The following NEB variants were observed in gnomAD, a reference collection of about 807,000 sequenced individuals.
The protein encoded by NEB is nemaline myopathy type 2.
NEB carries 512 observed loss-of-function variants against 952.2 expected under a neutral mutation model. That is an observed-to-expected ratio of 0.54 (90% CI 0.50 to 0.58). The LOEUF (loss-of-function observed/expected upper bound fraction) is 0.58, where lower values mean the gene tolerates loss of function less well. Among genes scored for constraint, NEB ranks in the 20% least tolerant of loss-of-function variants. The pLI is 0.00. For synonymous variants in NEB, 2,900 were observed against 3,149.8 expected, an observed-to-expected ratio of 0.92 and a Z score of 2.66; for missense variants, 8,428 against 9,231.1, an observed-to-expected ratio of 0.91 and a Z score of 3.56.
At chr2:151,653,865 G>C (rs1013726565) in intron 52 of NEB, 127 bp downstream of exon 52, 3 of 600,766 alleles carry the variant, frequency 5.0e-6, no homozygotes, top group African/African-American at 3.7e-5. Flanking sequence ...TAAATGAAGA[G>C]GGTAGGAGAA....
At chr2:151,573,253 T>C (rs1039946351) in intron 107 of NEB, among the ~76,000 whole-genome samples, 2 of 152,214 alleles carry the variant, frequency 1.3e-5, no homozygotes, top group Non-Finnish European at 2.9e-5. Flanking sequence ...ATTAATATCT[T>C]AATAAAGTTA....
At chr2:151,537,777 G>T in intron 140 of NEB, 95 bp downstream of exon 140, 2 of 781,488 alleles carry the variant, frequency 2.6e-6, no homozygotes, top group South Asian at 3.8e-5. Flanking sequence ...CTAAAATCTA[G>T]CCAAGAGTTT....
At chr2:151,601,083 T>A (rs2097492351) in intron 88 of NEB, among the ~76,000 whole-genome samples, 2 of 127,308 alleles carry the variant, frequency 1.6e-5, no homozygotes, top group Non-Finnish European at 3.2e-5. Context: ...TTGTTGAAAT[T>A]TTTTTTATTT....
At chr2:151,706,459 G>A (rs1184778541) in intron 13 of NEB, among the ~76,000 whole-genome samples, 1 of 152,148 alleles carries the variant, frequency 6.6e-6, no homozygotes, top group Non-Finnish European at 1.5e-5. Flanking sequence ...AGAAAGTCCT[G>A]TGAAGACTTA....
At chr2:151,627,871 A>G in intron 68 of NEB, 37 bp from the exon 69 acceptor site, 1 of 1,595,610 alleles carries the variant, frequency 6.3e-7, no homozygotes, top group Non-Finnish European at 8.6e-7. Flanking sequence ...ATAAAAATGA[A>G]TAGAAAGGCT....
intron 168 of NEB, among the ~76,000 whole-genome samples, chr2:151,499,805 T>A (rs2063065227): frequency 6.6e-6 from 1 of 152,218 alleles, no homozygotes; most frequent in South Asian, 2.1e-4. Flanking sequence ...ATATGGCAAT[T>A]TGGTCCTTGT....
At chr2:151,592,299 ATT>A (rs1299057004) in intron 94 of NEB, among the ~76,000 whole-genome samples, 161 bp from the exon 95 acceptor site, 2 of 150,818 alleles carry the variant, frequency 1.3e-5, no homozygotes, top group Admixed American at 1.3e-4. Flanking sequence ...GTAAATTAAA[ATT>A]TTTAAGTAAG....
chr2:151,555,078 T>G, intron 124 of NEB, 34 bp from the exon 125 acceptor site: 1 of 1,398,522 alleles, frequency 7.2e-7, no homozygotes, highest in East Asian at 2.3e-5. Context: ...AGAAACAGTT[T>G]TAGAGAGTAA....
Position 151,492,119 on chromosome 2 carries a change from G to C in NEB, c.25036C>G (p.Gln8346Glu). 1 of 1,613,770 alleles carries C rather than the reference G, an allele frequency of 6.2e-7. No homozygotes were observed. The highest frequency in any genetic ancestry group is 8.5e-7 in the Non-Finnish European group (1 of 1,179,788). The change falls in exon 178 of 182, where the codon CAA (glutamine) becomes GAA (glutamate). Residue 8346 changes from glutamine to glutamate, a missense_variant. This residue lies in a region of NEB where 3,374 missense variants were observed against 3,651.5 expected (regional missense o/e 0.92). Coordinates refer to ENST00000397345, the MANE Select transcript of NEB (RefSeq NM_001164508.2). The stretch of plus-strand genomic sequence containing the variant: ...TTACCTGTAATAGTCTCCTGATCTT[G>C]GTCATTCCGTTTTTGTTCCATTTCT... Reference protein sequence around the residue: ...VVEMEQKRNDQDQETITGLRV... With the variant: ...VVEMEQKRNDEDQETITGLRV...
chr2:151,658,762 T>G lies in NEB; in HGVS notation c.6075+303A>C, dbSNP rs555272619. ...AGAACGAAATTCTAGGACTCTCATT[T>G]CCTTTTTCTCTTCTCCTGGCCCCGG... On this transcript the variant is annotated intron_variant, in intron 47 of 181. Coordinates refer to ENST00000397345, the MANE Select transcript of NEB (RefSeq NM_001164508.2). Among the ~76,000 whole-genome samples, 3 of 152,262 alleles carry G rather than the reference T, an allele frequency of 2.0e-5. No homozygotes were observed. In the East Asian group the frequency reaches 5.8e-4, roughly 29 times the overall value.
Position 151,546,446 on chromosome 2 carries a change from G to A in NEB, c.20368-3C>T. The A allele has an allele frequency of 6.3e-7, 1 of 1,596,318 alleles. No individual in the cohort carries two copies. The highest frequency in any genetic ancestry group is 8.6e-7 in the Non-Finnish European group (1 of 1,163,966). Reference sequence around the variant, plus strand: ...TGCAAGTCCTCTTTGTATTTAATCTGAGAGGCAAACACAGAAATATAGCTG... The same window carrying A: ...TGCAAGTCCTCTTTGTATTTAATCTAAGAGGCAAACACAGAAATATAGCTG... On this transcript the variant is annotated splice_polypyrimidine_tract_variant and splice_region_variant and intron_variant, in intron 133 of 181. Coordinates refer to ENST00000397345, the MANE Select transcript of NEB (RefSeq NM_001164508.2).
chr2:151,613,128 A>G (rs908882516), intron 77 of NEB, among the ~76,000 whole-genome samples: 4 of 152,226 alleles, frequency 2.6e-5, no homozygotes, highest in Non-Finnish European at 1.5e-5. Context: ...ATTCTTCCAA[A>G]AGTGCTTGAT....
chr2:151,573,957 G>C lies in NEB; in HGVS notation c.17013+1738C>G, dbSNP rs1382646879. Among the ~76,000 whole-genome samples the C allele has an allele frequency of 2.6e-5, 4 of 151,428 alleles. No individual in the cohort carries two copies. In the East Asian group the frequency reaches 7.8e-4, roughly 29 times the overall value. ...TCTTTCTTTCCAATATTTATCTTCT[G>C]TTCTTACTCTTTTTTGTTTGTTTGT... On this transcript the variant is annotated intron_variant, in intron 107 of 181. Transcript: ENST00000397345.
intron 142 of NEB, 43 bp downstream of exon 142, chr2:151,535,648 G>T: frequency 1.6e-6 from 2 of 1,235,984 alleles, no homozygotes; most frequent in South Asian, 1.4e-5. Context: ...GACTTCTTTA[G>T]GGAATTGAAT....
In NEB at chr2:151,540,824, G is replaced by T. The variant is rs770983029; in HGVS notation, c.20683-23C>A. On this transcript the variant is annotated intron_variant, in intron 136 of 181. Coordinates refer to ENST00000397345, the MANE Select transcript of NEB (RefSeq NM_001164508.2). ...ATACTGAATAATAGAAGAAAGTGAGGTGTCATAGAGATAAAGCATTTAGTA... is the reference window on the plus strand; with the variant it reads ...ATACTGAATAATAGAAGAAAGTGAGTTGTCATAGAGATAAAGCATTTAGTA... 2.6e-6 allele frequency: 4 copies of T among 1,556,810 alleles called. No homozygotes were observed. The African/African-American group carries it at 5.4e-5, about 21-fold the overall frequency.
chr2:151,614,021 T>A (rs555811226), intron 77 of NEB, among the ~76,000 whole-genome samples: 14 of 152,352 alleles, frequency 9.2e-5, no homozygotes, highest in South Asian at 6.2e-4. Context: ...AAATTAGTTA[T>A]TACAGTCACC....
intron 181 of NEB, among the ~76,000 whole-genome samples, chr2:151,487,497 A>C (rs1377897027): frequency 6.6e-6 from 1 of 152,118 alleles, no homozygotes; most frequent in Non-Finnish European, 1.5e-5. Context: ...TGTTCTTTCC[A>C]TTTAATATAG....
chr2:151,663,490 T>A, intron 45 of NEB, 58 bp downstream of exon 45: 1 of 1,472,082 alleles, frequency 6.8e-7, no homozygotes, highest in Non-Finnish European at 9.2e-7. Flanking sequence ...TTGCTTATGG[T>A]CACTCATGGT....
At chr2:151,631,491 T>C (rs940292171) in intron 65 of NEB, 145 bp from the exon 66 acceptor site, 3 of 889,386 alleles carry the variant, frequency 3.4e-6, no homozygotes, top group Non-Finnish European at 4.9e-6. Context: ...AAAAGAATTA[T>C]GCTCAAAAAT....
Sources: gnomAD v4.1 joint callset for allele counts (sites outside exome capture counted in the v4.1 genomes callset) on GRCh38, gnomAD v4.1.1 for gene constraint, gnomAD v4.1.1 regional missense constraint, MANE v1.5 for transcripts, NCBI Gene and HGNC (gene_info 2026-07-23, HGNC 2026-07-21) for gene names.